The following OTOG variants were observed in gnomAD, a reference collection of about 807,000 sequenced individuals.
OTOG encodes otogelin.
A neutral mutation model predicts 313.8 loss-of-function variants in OTOG; 296 were observed. The observed-to-expected ratio is 0.94, with a 90% CI of 0.86 to 1.04. The LOEUF is 1.04. Ranked by LOEUF, OTOG falls within the 50% of genes least tolerant of loss-of-function variation. The pLI, the probability that OTOG is intolerant of heterozygous loss-of-function variation, is 0.00. For missense variants in OTOG, 3,948 were observed against 3,840.1 expected, an observed-to-expected ratio of 1.03 and a Z score of -0.74; for synonymous variants, 1,533 against 1,554.9, an observed-to-expected ratio of 0.99 and a Z score of 0.33.
Position 17,602,286 on chromosome 11 carries a change from T to A in OTOG, c.3786T>A (p.Asp1262Glu). The A allele has an allele frequency of 6.4e-7, 1 of 1,550,586 alleles. No individual in the cohort carries two copies. The highest frequency in any genetic ancestry group is 8.7e-7 in the Non-Finnish European group (1 of 1,146,958). Residue 1262 changes from aspartate (D) to glutamate (E), a missense_variant, in exon 32 of 56, where the codon GAT becomes GAA. Asp to Glu is a conservative substitution (Grantham distance 45). Transcript: ENST00000399397. ...GALVGMKAVG[D>E]DIVLVRTEDV... ...TGGTGGGCATGAAGGCGGTGGGCGA[T>A]GACATAGTCCTAGTGAGGACAGAGG...
intron 39 of OTOG, among the ~76,000 whole-genome samples, chr11:17,625,914 T>C (rs1182886599): frequency 6.6e-6 from 1 of 152,210 alleles, no homozygotes; most frequent in Non-Finnish European, 1.5e-5. Context: ...TGCTTTCTTG[T>C]AGTGGTTTTA....
chr11:17,572,121 G>A lies in OTOG; in HGVS notation c.1997G>A (p.Gly666Asp). ...CCTGAGAGCACCCCACAACTTTTTG[G>A]CAATTCCTGGAAAACACTTTCTGCT... ...GVPESTPQLF[G>D]NSWKTLSACS... is the part of the protein sequence containing the mutation. Residue 666 changes from glycine to aspartate, a missense_variant, in exon 18 of 56, where the codon GGC becomes GAC. Physicochemically the swap from Gly to Asp is moderately conservative, Grantham distance 94 (BLOSUM62 -1). Transcript: ENST00000399397. The A allele has an allele frequency of 6.4e-7, 1 of 1,550,448 alleles. No homozygotes were observed.
rs1373813923 is a variant in OTOG at position 17,548,181 on chromosome 11, T to C, written c.185T>C (p.Met62Thr). ...AGCCACCAGGAGGCGACCCTTGCCA[T>C]GGGGGACAAGGCTACAGTCGTGGGA... ...SSSHQEATLA[M>T]GDKATVVGGQ... The change falls in exon 3 of 56, where the codon ATG (methionine) becomes ACG (threonine). Residue 62 changes from methionine to threonine, a missense_variant. Physicochemically the swap from Met to Thr is moderately conservative, Grantham distance 81. Coordinates refer to ENST00000399397, the MANE Select transcript of OTOG (RefSeq NM_001292063.2). 8 of 1,547,740 alleles carry C rather than the reference T, an allele frequency of 5.2e-6. No individual in the cohort carries two copies. The highest frequency in any genetic ancestry group is 7.0e-6 in the Non-Finnish European group (8 of 1,145,464).
chr11:17,597,066 C>G, intron 30 of OTOG, 59 bp downstream of exon 30: 11 of 1,523,680 alleles, frequency 7.2e-6, no homozygotes, highest in Non-Finnish European at 9.7e-6. Flanking sequence ...GTGGGCATGC[C>G]CTAGGGGTAC....
intron 24 of OTOG, among the ~76,000 whole-genome samples, chr11:17,591,128 G>A (rs1038837781): frequency 6.6e-6 from 1 of 152,210 alleles, no homozygotes; most frequent in Non-Finnish European, 1.5e-5. Context: ...CTGAGATATG[G>A]TAGGCACCTA....
intron 3 of OTOG, among the ~76,000 whole-genome samples, chr11:17,548,713 T>G (rs985857198): frequency 1.3e-5 from 2 of 152,044 alleles, no homozygotes; most frequent in Admixed American, 1.3e-4. Flanking sequence ...ACTCATCCTT[T>G]GAGCCTTTTT....
chr11:17,634,259 C>T lies in OTOG; in HGVS notation c.7458C>T (p.Pro2486=). 2.6e-6 allele frequency: 4 copies of T among 1,550,458 alleles called. No individual in the cohort carries two copies. The highest frequency in any genetic ancestry group is 3.5e-6 in the Non-Finnish European group (4 of 1,146,898). The part of the protein sequence containing the change: ...EVALLLPTKD[P]CCLGTVCVCN... ...CCTTGCTCCTACCCACCAAGGACCC[C>T]TGCTGCCTGGGGACTGTCTGTGGTG... The change falls in exon 44 of 56, where the codon CCC becomes CCT. Residue 2486 remains proline, a synonymous_variant. Coordinates refer to ENST00000399397, the MANE Select transcript of OTOG (RefSeq NM_001292063.2).
intron 30 of OTOG, among the ~76,000 whole-genome samples, chr11:17,597,470 T>C (rs1853140721): frequency 6.6e-6 from 1 of 152,188 alleles, no homozygotes; most frequent in Non-Finnish European, 1.5e-5. Context: ...GTGATGAATA[T>C]AGAAGTCCTT....
intron 46 of OTOG, 132 bp from the exon 47 acceptor site, chr11:17,635,478 C>A (rs1457814893): frequency 7.0e-6 from 5 of 709,318 alleles, no homozygotes; most frequent in African/African-American, 1.7e-5. Context: ...TCACGTGAGA[C>A]CATGCGATGC....
At chr11:17,568,295 C>A (rs1852332422) in intron 15 of OTOG, among the ~76,000 whole-genome samples, 1 of 152,186 alleles carries the variant, frequency 6.6e-6, no homozygotes. Flanking sequence ...ATACTAATTC[C>A]ACATGAAAGT....
chr11:17,595,432 G>A (rs910062904), intron 28 of OTOG, among the ~76,000 whole-genome samples: 2 of 152,154 alleles, frequency 1.3e-5, no homozygotes, highest in African/African-American at 2.4e-5. Flanking sequence ...AGACTTAGTG[G>A]CATTAAACAA....
rs149671875 is a variant in OTOG at position 17,615,946 on chromosome 11, T to C, written c.6528+2245T>C. Among the ~76,000 whole-genome samples, 873 of 152,292 alleles carry C rather than the reference T, an allele frequency of 5.7e-3. 8 individuals are homozygous for C. The highest frequency in any genetic ancestry group is 0.017 in the Middle Eastern group (5 of 294). ...TGTCTCAAAAAAAAAAATTAATGTT[T>C]GGGATAATTTATATGCTTTTTATTT... On this transcript the variant is annotated intron_variant, in intron 39 of 55. Coordinates refer to ENST00000399397, the MANE Select transcript of OTOG (RefSeq NM_001292063.2).
intron 10 of OTOG, 141 bp from the exon 11 acceptor site, chr11:17,558,911 C>A: frequency 1.3e-6 from 1 of 761,072 alleles, no homozygotes; most frequent in Non-Finnish European, 2.3e-6. Context: ...GATCTGTTCA[C>A]CTAGATGCCT....
At chr11:17,554,572 G>C (rs1474505756) in intron 6 of OTOG, among the ~76,000 whole-genome samples, 1 of 152,244 alleles carries the variant, frequency 6.6e-6, no homozygotes. Flanking sequence ...GGGTCAAGGG[G>C]TTGGGGGTGT....
intron 47 of OTOG, among the ~76,000 whole-genome samples, chr11:17,638,101 G>T (rs552618235): frequency 4.6e-5 from 7 of 152,366 alleles, no homozygotes; most frequent in African/African-American, 1.4e-4. Flanking sequence ...GGGTGGGAAA[G>T]GTTGTGTTAG....
chr11:17,555,294 C>G (rs1453725635), intron 6 of OTOG, among the ~76,000 whole-genome samples: 2 of 151,572 alleles, frequency 1.3e-5, no homozygotes, highest in South Asian at 4.2e-4. Flanking sequence ...ACAATCTGTA[C>G]CTGCCAGGGG....
chr11:17,604,916 A>G (rs954017731), intron 32 of OTOG, among the ~76,000 whole-genome samples: 1 of 152,240 alleles, frequency 6.6e-6, no homozygotes, highest in Non-Finnish European at 1.5e-5. Flanking sequence ...GTTACCTGCC[A>G]TCTTCTCGCA....
chr11:17,547,449 T>A lies in OTOG; in HGVS notation c.77T>A (p.Leu26Gln). ...TGGGGTGAGCAGGCAGCCGAGTCCC[T>A]GCGGGTGCAGCGCCTCGGTGAGAGG... Reference protein sequence around the residue: ...LPWGEQAAESLRVQRLAAAPV... With the variant: ...LPWGEQAAESQRVQRLAAAPV... Residue 26 changes from leucine (L) to glutamine (Q), a missense_variant, in exon 1 of 56, where the codon CTG (leucine) becomes CAG (glutamine). Coordinates refer to ENST00000399397, the MANE Select transcript of OTOG (RefSeq NM_001292063.2). 7.2e-7 allele frequency: 1 copy of A among 1,381,016 alleles called. No homozygotes were observed. The highest frequency in any genetic ancestry group is 9.3e-7 in the Non-Finnish European group (1 of 1,073,124). 85.5% of individuals were successfully genotyped at this position (1,381,016 alleles called of 1,614,324 possible).
chr11:17,629,173 G>C lies in OTOG; in HGVS notation c.6569G>C (p.Arg2190Thr), dbSNP rs892069741. The stretch of plus-strand genomic sequence containing the variant: ...CAGCCTGTGTGGCCACCGGTGAGCA[G>C]GTATGGATTCAGAATTGAGGACACA... ...DLQPVWPPVS[R>T]YGFRIEDTGH... is the part of the protein sequence containing the mutation. Residue 2190 changes from arginine to threonine, a missense_variant, in exon 40 of 56, where the codon AGG (arginine) becomes ACG (threonine). Transcript: ENST00000399397. The C allele has an allele frequency of 6.4e-7, 1 of 1,550,428 alleles. No homozygotes were observed. The highest frequency in any genetic ancestry group is 1.4e-5 in the African/African-American group (1 of 73,042).
Sources: allele counts gnomAD v4.1 joint callset (sites outside exome capture counted in the v4.1 genomes callset), GRCh38; gene constraint gnomAD v4.1.1; transcripts MANE v1.5; gene names NCBI Gene and HGNC (gene_info 2026-07-23, HGNC 2026-07-21).